LARP4B: variants seen among roughly 807,000 people sequenced by gnomAD.
LARP4B encodes the protein La ribonucleoprotein 4B.
A neutral mutation model predicts 89.8 loss-of-function variants in LARP4B; 12 were observed. That is an observed-to-expected ratio of 0.13 (90% CI 0.09 to 0.22). LARP4B has a LOEUF of 0.22. Ranked by LOEUF, LARP4B falls within the 10% of genes least tolerant of loss-of-function variation. LARP4B has a pLI of 1.00. For synonymous variants in LARP4B, 367 were observed against 363.3 expected (o/e 1.01, Z -0.12); for missense variants, 757 against 947.7 (o/e 0.80, Z 2.64).
chr10:862,673 T>C (rs1425342686), intron 5 of LARP4B, among the ~76,000 whole-genome samples: 2 of 151,684 alleles, frequency 1.3e-5, no homozygotes, highest in Non-Finnish European at 2.9e-5. Context: ...GGTAGGAGAA[T>C]GGCATGAACT....
intron 5 of LARP4B, among the ~76,000 whole-genome samples, chr10:848,980 A>T (rs1290848798): frequency 6.6e-6 from 1 of 152,224 alleles, no homozygotes; most frequent in Non-Finnish European, 1.5e-5. Context: ...AAGTAACTGC[A>T]AAAGGCATGA....
At chr10:987,470 C>G in the LARP4B span, 136 of 152,378 alleles carry the variant, frequency 8.9e-4, no homozygotes, top group African/African-American at 3.1e-3. Flanking sequence ...TGCCTGGGTT[C>G]AAAGCCCACC....
At chr10:978,985 A>G in the LARP4B span, among the ~76,000 whole-genome samples, 61 of 150,784 alleles carry the variant, frequency 4.0e-4, no homozygotes, top group Middle Eastern at 0.017. Flanking sequence ...TCTCAATGTT[A>G]CTGTTGAGCA....
At chr10:877,384 A>AAAACAAATGAAAC (rs1564426350) in intron 3 of LARP4B, among the ~76,000 whole-genome samples, 1 of 151,928 alleles carries the variant, frequency 6.6e-6, no homozygotes, top group Non-Finnish European at 1.5e-5. Context: ...CTGTCTCTAA[A>AAAACAAATGAAAC]AAAACAAACA....
At chr10:862,818 C>T (rs1367658143) in intron 5 of LARP4B, among the ~76,000 whole-genome samples, 1 of 152,068 alleles carries the variant, frequency 6.6e-6, no homozygotes, top group East Asian at 1.9e-4. Context: ...TGGTACACTC[C>T]ATAACTGGGC....
chr10:861,390 T>C (rs1834607292), intron 5 of LARP4B, among the ~76,000 whole-genome samples: 1 of 152,238 alleles, frequency 6.6e-6, no homozygotes, highest in Non-Finnish European at 1.5e-5. Flanking sequence ...CTGAAGTATA[T>C]GATGTTTATT....
chr10:921,049 G>C (rs769187577), intron 1 of LARP4B, among the ~76,000 whole-genome samples: 1 of 152,028 alleles, frequency 6.6e-6, no homozygotes, highest in African/African-American at 2.4e-5. Context: ...CAAGGCAGGC[G>C]GATCACCTGA....
At chr10:893,809 T>C (rs753066786) in intron 1 of LARP4B, among the ~76,000 whole-genome samples, 5 of 152,038 alleles carry the variant, frequency 3.3e-5, no homozygotes, top group African/African-American at 4.8e-5. Flanking sequence ...CGGAGCCACA[T>C]CAGGATCAGG....
chr10:824,639 G>A (rs747185922), intron 13 of LARP4B, among the ~76,000 whole-genome samples: 2 of 152,248 alleles, frequency 1.3e-5, no homozygotes, highest in African/African-American at 2.4e-5. Flanking sequence ...AGATGAGACT[G>A]CAATGCTGAT....
the LARP4B span, chr10:971,773 C>G: frequency 3.9e-5 from 6 of 152,388 alleles, no homozygotes; most frequent in African/African-American, 1.4e-4. Flanking sequence ...TTGCTGAGGG[C>G]GCTTCCCAGT....
chr10:897,345 C>T (rs1032730269), intron 1 of LARP4B, among the ~76,000 whole-genome samples: 4 of 152,164 alleles, frequency 2.6e-5, no homozygotes, highest in African/African-American at 9.7e-5. Flanking sequence ...TGAAGCTGGG[C>T]TCCTACCTCA....
Position 868,262 on chromosome 10 carries a change from A to T in LARP4B, c.142-3992T>A, listed in dbSNP as rs2131862287. On this transcript the variant is annotated intron_variant, in intron 3 of 17. Coordinates refer to ENST00000316157, the MANE Select transcript of LARP4B (RefSeq NM_015155.3). ...TTCCATGCAAGCACCAACCACTCCT[A>T]CAGATGCACTAAAAAGCTTAGTAAT... 2.0e-5 allele frequency among the ~76,000 whole-genome samples: 3 copies of T among 152,034 alleles called. No homozygotes were observed. In the South Asian group the frequency reaches 6.3e-4, roughly 32 times the overall value.
intron 1 of LARP4B, among the ~76,000 whole-genome samples, chr10:886,628 T>A (rs977324544): frequency 2.6e-5 from 4 of 152,224 alleles, no homozygotes; most frequent in Admixed American, 6.5e-5. Flanking sequence ...TATGTATTAT[T>A]CAGCCTTTAA....
At chr10:878,203 G>C (rs1835530965) in intron 3 of LARP4B, among the ~76,000 whole-genome samples, 1 of 152,310 alleles carries the variant, frequency 6.6e-6, no homozygotes, top group African/African-American at 2.4e-5. Context: ...GAAGGCTAGG[G>C]ACCTGCCAGA....
the LARP4B span, chr10:942,687 T>C: frequency 2.0e-5 from 3 of 152,228 alleles, no homozygotes; most frequent in Non-Finnish European, 2.9e-5. Context: ...TATTCAGCTT[T>C]GAATCAGTGG....
chr10:841,154 AAAAT>A (rs1833502958), intron 7 of LARP4B, among the ~76,000 whole-genome samples: 1 of 152,216 alleles, frequency 6.6e-6, no homozygotes, highest in South Asian at 2.1e-4. Flanking sequence ...TTCCATCTCA[AAAAT>A]AAATAAATTC....
the LARP4B span, among the ~76,000 whole-genome samples, chr10:947,167 G>A: frequency 6.6e-6 from 1 of 152,188 alleles, no homozygotes; most frequent in Non-Finnish European, 1.5e-5. Flanking sequence ...ACTATGCCCA[G>A]CCGGAAGCAC....
At chr10:832,981 T>C (rs1832986865) in intron 8 of LARP4B, among the ~76,000 whole-genome samples, 1 of 152,156 alleles carries the variant, frequency 6.6e-6, no homozygotes, top group African/African-American at 2.4e-5. Context: ...GTGAGGCTTA[T>C]GACTGTGTAG....
chr10:817,913 G>A (rs1490900705), intron 14 of LARP4B, 24 bp from the exon 15 acceptor site: 21 of 1,608,062 alleles, frequency 1.3e-5, no homozygotes, highest in East Asian at 2.2e-5. Context: ...ACACCCCAGG[G>A]TCACGGTATG....
Sources: gnomAD v4.1 joint callset for allele counts (sites outside exome capture counted in the v4.1 genomes callset) on GRCh38, gnomAD v4.1.1 for gene constraint, MANE v1.5 for transcripts, NCBI Gene and HGNC (gene_info 2026-07-23, HGNC 2026-07-21) for gene names.